The following C10orf67 variants were observed in gnomAD, a reference collection of about 807,000 sequenced individuals.
C10orf67 encodes the protein uncharacterized protein C10orf67, mitochondrial.
Under a neutral mutation model 35.6 loss-of-function variants are expected in C10orf67, and 60 were observed. That is an observed-to-expected ratio of 1.68 (90% CI 1.37 to 2.09). The LOEUF (loss-of-function observed/expected upper bound fraction) is 2.09, where lower values mean the gene tolerates loss of function less well. C10orf67 is among the 30% of genes most tolerant of loss of function. The pLI, the probability that C10orf67 is intolerant of heterozygous loss-of-function variation, is 0.00. For synonymous variants in C10orf67, 167 were observed against 115.8 expected, an observed-to-expected ratio of 1.44 and a Z score of -2.84; for missense variants, 474 against 330.2, an observed-to-expected ratio of 1.44 and a Z score of -3.38.
chr10:23,243,389 A>G (rs950497717), intron 12 of C10orf67, among the ~76,000 whole-genome samples: 1 of 152,064 alleles, frequency 6.6e-6, no homozygotes, highest in Non-Finnish European at 1.5e-5. Context: ...CAGTGATAAA[A>G]TTTTTCATTC....
Position 23,303,299 on chromosome 10 carries a change from C to A in C10orf67, c.702+5G>T. ...AAATTAATTATTCCTTGCCTTGAAA[C>A]TTACCATTTTGTGAAATCCAAAATC... is the stretch of plus-strand genomic sequence containing the variant. On this transcript the variant is annotated splice_donor_5th_base_variant and intron_variant, in intron 5 of 15. Transcript: ENST00000636213. 5.6e-6 allele frequency: 3 copies of A among 538,828 alleles called. No individual in the cohort carries two copies. Among genetic ancestry groups the A allele is most frequent in the Non-Finnish European group, 1.0e-5 (3 of 299,026 alleles). 33.4% of individuals were successfully genotyped at this position (538,828 alleles called of 1,614,324 possible).
chr10:23,321,809 G>A (rs1268440285), intron 3 of C10orf67, among the ~76,000 whole-genome samples: 4 of 151,786 alleles, frequency 2.6e-5, no homozygotes, highest in Admixed American at 1.3e-4. Context: ...TTTCTGAGAC[G>A]GGGGTCTCGA....
At chr10:23,331,191 AAG>A (rs1491027181) in intron 2 of C10orf67, among the ~76,000 whole-genome samples, 2,976 of 56,060 alleles carry the variant, frequency 0.053, 94 homozygotes, top group Non-Finnish European at 0.061. Context: ...AAGGGAAGGG[AAG>A]GGAAGGGAAG....
intron 10 of C10orf67, among the ~76,000 whole-genome samples, chr10:23,263,862 T>G (rs1055094508): frequency 8.2e-4 from 125 of 152,288 alleles, no homozygotes; most frequent in African/African-American, 2.9e-3. Context: ...AAATACAAAT[T>G]TTATGTTGTG....
At chr10:23,229,134 C>T (rs1380455610) in intron 13 of C10orf67, among the ~76,000 whole-genome samples, 3 of 152,086 alleles carry the variant, frequency 2.0e-5, no homozygotes, top group Non-Finnish European at 2.9e-5. Context: ...CACATGCACA[C>T]GTATGTTCAC....
intron 1 of C10orf67, among the ~76,000 whole-genome samples, chr10:23,335,561 T>A (rs1284613371): frequency 3.3e-5 from 5 of 152,226 alleles, no homozygotes; most frequent in Admixed American, 6.5e-5. Context: ...TGGTTTCTAC[T>A]GTCACTCTGA....
Position 23,303,389 on chromosome 10 carries a change from A to C in C10orf67, c.617T>G (p.Leu206Ter), listed in dbSNP as rs534155558. ...TTCTTCTTTCTCTTTCAGTTTTCTT[A>C]ACAAAATATTTGTTTTGACAGTACT... is the stretch of plus-strand genomic sequence containing the variant. ...DASTVKTNIL[L>*]RKLKEKEEVI... The change falls in exon 5 of 16, where the codon TTA becomes TGA. Residue 206 changes from leucine (L) to a stop codon, truncating the protein, a stop_gained. Coordinates refer to ENST00000636213, the MANE Select transcript of C10orf67 (RefSeq NM_001371909.1). LOFTEE classifies it high-confidence loss of function. 168 of 653,338 alleles carry C rather than the reference A, an allele frequency of 2.6e-4. No individual in the cohort carries two copies. In the African/African-American group the frequency reaches 2.9e-3, roughly 11 times the overall value. The allele number at this position is 653,338 out of a possible 1,614,324, so 40.5% of individuals were successfully genotyped here.
At chr10:23,240,764 G>A (rs1842159647) in intron 12 of C10orf67, among the ~76,000 whole-genome samples, 1 of 152,204 alleles carries the variant, frequency 6.6e-6, no homozygotes, top group Non-Finnish European at 1.5e-5. Flanking sequence ...CATCTCAGCA[G>A]AGTCCAAAAT....
intron 7 of C10orf67, among the ~76,000 whole-genome samples, chr10:23,286,605 G>T (rs1307747282): frequency 8.2e-6 from 1 of 122,420 alleles, no homozygotes; most frequent in South Asian, 3.5e-4. Flanking sequence ...AGGGAGGAAG[G>T]AAAGGAGGGA....
chr10:23,223,458 T>C lies in C10orf67; in HGVS notation c.1570+140A>G, dbSNP rs1159919752. 2.5e-5 allele frequency: 16 copies of C among 648,088 alleles called. No homozygotes were observed. In the East Asian group the frequency reaches 4.1e-4, roughly 16 times the overall value. The allele number at this position is 648,088 out of a possible 1,614,324, so 40.1% of individuals were successfully genotyped here. ...TCTTTTATTCAGTTTATCTGTGCAATAATTTTATAAAGTGGCTGAAAAAAG... is the reference window on the plus strand; with the variant it reads ...TCTTTTATTCAGTTTATCTGTGCAACAATTTTATAAAGTGGCTGAAAAAAG... On this transcript the variant is annotated intron_variant, in intron 15 of 15. Transcript: ENST00000636213.
intron 12 of C10orf67, among the ~76,000 whole-genome samples, chr10:23,248,650 G>T (rs1021519501): frequency 1.3e-5 from 2 of 152,158 alleles, no homozygotes; most frequent in African/African-American, 4.8e-5. Flanking sequence ...ATGTAAGTCT[G>T]TGACTACACA....
At position 23,303,473 on chromosome 10, in the gene C10orf67, A is replaced by G; in HGVS notation, c.547-14T>C. 1.9e-6 allele frequency: 1 copy of G among 530,862 alleles called. No homozygotes were observed. The allele number at this position is 530,862 out of a possible 1,614,324, so 32.9% of individuals were successfully genotyped here. On this transcript the variant is annotated splice_polypyrimidine_tract_variant and intron_variant, in intron 4 of 15. Transcript: ENST00000636213. The stretch of plus-strand genomic sequence containing the variant: ...CTCAAAGAATTGCTAGGGACAAAAA[A>G]AAGCAGCATTAAAAATTAGACACTA...
At chr10:23,278,927 C>A (rs1843277040) in intron 8 of C10orf67, among the ~76,000 whole-genome samples, 1 of 152,172 alleles carries the variant, frequency 6.6e-6, no homozygotes, top group South Asian at 2.1e-4. Context: ...CTTCCTTTCA[C>A]AAGGTTTGCC....
intron 2 of C10orf67, among the ~76,000 whole-genome samples, chr10:23,328,544 C>T (rs1845288937): frequency 6.6e-6 from 1 of 152,126 alleles, no homozygotes; most frequent in South Asian, 2.1e-4. Context: ...ATCTACATCA[C>T]ACAGATCAGA....
rs761376626 is a variant in C10orf67, at chr10:23,303,412, A to G, written c.594T>C (p.Ser198=). The change falls in exon 5 of 16, where the codon AGT becomes AGC. Residue 198 remains serine (S), a synonymous_variant. Coordinates refer to ENST00000636213, the MANE Select transcript of C10orf67 (RefSeq NM_001371909.1). The stretch of plus-strand genomic sequence containing the variant: ...TTAACAAAATATTTGTTTTGACAGT[A>G]CTCGCATCTTGCAAAGAAACATTCT... ...EEENVSLQDA[S]TVKTNILLRK... 8.4e-5 allele frequency: 52 copies of G among 618,906 alleles called. No homozygotes were observed. The highest frequency in any genetic ancestry group is 1.2e-4 in the Non-Finnish European group (40 of 343,318). The allele number at this position is 618,906 out of a possible 1,614,324, so 38.3% of individuals were successfully genotyped here.
chr10:23,315,448 G>T lies in C10orf67; in HGVS notation c.546+5293C>A, dbSNP rs183655149. On this transcript the variant is annotated intron_variant, in intron 4 of 15. Coordinates refer to ENST00000636213, the MANE Select transcript of C10orf67 (RefSeq NM_001371909.1). ...TTTTTTGTTTTTTGTTTGTTTGTTT[G>T]TTTGTTTTGAGACAGGGTCTTGCTC... is the stretch of plus-strand genomic sequence containing the variant. Among the ~76,000 whole-genome samples the T allele has an allele frequency of 8.0e-4, 122 of 152,266 alleles. No individual in the cohort carries two copies. In the South Asian group the frequency reaches 9.3e-3, roughly 12 times the overall value.
At position 23,234,737 on chromosome 10, in the gene C10orf67, G is replaced by A. The variant is rs570795461; in HGVS notation, c.1434+4992C>T. 5.3e-5 allele frequency among the ~76,000 whole-genome samples: 8 copies of A among 151,596 alleles called. No homozygotes were observed. In the South Asian group the frequency reaches 1.2e-3, roughly 24 times the overall value. ...AAAAAAAAAAAAGGTAAATAAGGTC[G>A]GGCACAGTGGCTCACGCCTGTAATC... On this transcript the variant is annotated intron_variant, in intron 13 of 15. Coordinates refer to ENST00000636213, the MANE Select transcript of C10orf67 (RefSeq NM_001371909.1).
At chr10:23,266,039 AG>A (rs1271932449) in intron 10 of C10orf67, among the ~76,000 whole-genome samples, 1 of 152,216 alleles carries the variant, frequency 6.6e-6, no homozygotes, top group Non-Finnish European at 1.5e-5. Flanking sequence ...TTAGTGACTT[AG>A]CTAAATCAAC....
chr10:23,254,718 G>A (rs966617189), intron 10 of C10orf67, among the ~76,000 whole-genome samples: 1 of 152,054 alleles, frequency 6.6e-6, no homozygotes, highest in African/African-American at 2.4e-5. Context: ...AGTAGCCAGG[G>A]TTTGTAATAA....
Sources: gnomAD v4.1 joint callset for allele counts (sites outside exome capture counted in the v4.1 genomes callset) on GRCh38, gnomAD v4.1.1 for gene constraint, MANE v1.5 for transcripts, NCBI Gene and HGNC (gene_info 2026-07-23, HGNC 2026-07-21) for gene names.